The following LRRC8D variants were observed in gnomAD, a reference collection of about 807,000 sequenced individuals.
LRRC8D encodes leucine rich repeat containing 8 VRAC subunit D.
Under a neutral mutation model 55.8 loss-of-function variants are expected in LRRC8D, and 20 were observed. That is an observed-to-expected ratio of 0.36 (90% CI 0.25 to 0.52). The LOEUF (loss-of-function observed/expected upper bound fraction) is 0.52, where lower values mean the gene tolerates loss of function less well. LRRC8D is among the 20% of genes least tolerant of loss of function. LRRC8D has a pLI of 0.93. For synonymous variants in LRRC8D, 352 were observed against 377.0 expected (o/e 0.93, Z 0.77); for missense variants, 651 against 1,030.8 (o/e 0.63, Z 5.05).
At chr1:89,927,865 A>G (rs186392660) in intron 2 of LRRC8D, among the ~76,000 whole-genome samples, 1 of 152,174 alleles carries the variant, frequency 6.6e-6, no homozygotes, top group Non-Finnish European at 1.5e-5. Flanking sequence ...TATCAGATGT[A>G]AAGCCCCTAG....
Position 89,936,007 on chromosome 1 carries a change from T to G in LRRC8D, c.*362T>G, listed in dbSNP as rs188659077. The G allele has an allele frequency of 2.7e-3, 514 of 192,318 alleles. 3 individuals are homozygous for G. The highest frequency in any genetic ancestry group is 0.012 in the African/African-American group (487 of 41,990). The allele number at this position is 192,318 out of a possible 1,614,324, so 11.9% of individuals were successfully genotyped here. ...ATTGACATTTTCTTACTATATCACC[T>G]TTTTTGAGGGGTCTTAATTTACTTT... On this transcript the variant is annotated 3_prime_UTR_variant, in exon 3 of 3. Coordinates refer to ENST00000337338, the MANE Select transcript of LRRC8D (RefSeq NM_001134479.2).
chr1:89,865,264 G>A (rs992473063), intron 2 of LRRC8D, among the ~76,000 whole-genome samples: 15 of 150,818 alleles, frequency 9.9e-5, no homozygotes, highest in Non-Finnish European at 1.6e-4. Context: ...CCTTTAAAGG[G>A]AGTTTTCAAA....
At chr1:89,870,169 T>C (rs995015268) in intron 2 of LRRC8D, among the ~76,000 whole-genome samples, 12 of 151,772 alleles carry the variant, frequency 7.9e-5, no homozygotes, top group Non-Finnish European at 2.9e-5. Context: ...AGCTGCCTTT[T>C]AGTTTTTCTA....
At chr1:89,913,481 T>C (rs1221580366) in intron 2 of LRRC8D, among the ~76,000 whole-genome samples, 1 of 152,248 alleles carries the variant, frequency 6.6e-6, no homozygotes, top group Admixed American at 6.5e-5. Flanking sequence ...TTCTTTCTTT[T>C]TTCCTTCTAG....
At chr1:89,841,300 T>C (rs1370850372) in intron 1 of LRRC8D, among the ~76,000 whole-genome samples, 2 of 152,054 alleles carry the variant, frequency 1.3e-5, no homozygotes, top group Non-Finnish European at 2.9e-5. Context: ...AAGGCCATGG[T>C]CATCTGGGTG....
At chr1:89,852,817 A>G (rs1005820668) in intron 2 of LRRC8D, among the ~76,000 whole-genome samples, 3 of 152,154 alleles carry the variant, frequency 2.0e-5, no homozygotes, top group African/African-American at 7.2e-5. Context: ...GGGCTCAGTG[A>G]ATGTGGAACA....
At chr1:89,867,042 G>A (rs1427998108) in intron 2 of LRRC8D, among the ~76,000 whole-genome samples, 2 of 151,898 alleles carry the variant, frequency 1.3e-5, no homozygotes, top group African/African-American at 4.8e-5. Flanking sequence ...CATACAATTG[G>A]CCCACTTAGA....
intron 2 of LRRC8D, among the ~76,000 whole-genome samples, chr1:89,899,453 T>C (rs1199861565): frequency 6.6e-6 from 1 of 152,234 alleles, no homozygotes; most frequent in African/African-American, 2.4e-5. Context: ...CCAGAGACAG[T>C]TTTGTGACTT....
intron 2 of LRRC8D, among the ~76,000 whole-genome samples, chr1:89,860,785 A>ATATAT (rs59411711): frequency 1.1e-4 from 3 of 28,192 alleles, no homozygotes; most frequent in African/African-American, 2.0e-4. Context: ...AAAAAAAAAA[A>ATATAT]ATATATATAT....
At chr1:89,886,799 T>C (rs1010959502) in intron 2 of LRRC8D, among the ~76,000 whole-genome samples, 4 of 152,146 alleles carry the variant, frequency 2.6e-5, no homozygotes, top group African/African-American at 9.7e-5. Flanking sequence ...GCCATAAATA[T>C]TAACAGTGGT....
At chr1:89,879,946 A>G (rs1307821039) in intron 2 of LRRC8D, among the ~76,000 whole-genome samples, 1 of 152,186 alleles carries the variant, frequency 6.6e-6, no homozygotes, top group Non-Finnish European at 1.5e-5. Flanking sequence ...AGTAGAAGCC[A>G]TTTAATTCTT....
chr1:89,851,775 G>T (rs1661423920), intron 2 of LRRC8D, among the ~76,000 whole-genome samples: 1 of 152,116 alleles, frequency 6.6e-6, no homozygotes, highest in South Asian at 2.1e-4. Flanking sequence ...CTCCCAAAGT[G>T]CTAGGATTAC....
At chr1:89,868,404 T>C (rs1414431545) in intron 2 of LRRC8D, among the ~76,000 whole-genome samples, 1 of 152,234 alleles carries the variant, frequency 6.6e-6, no homozygotes, top group African/African-American at 2.4e-5. Flanking sequence ...CTTCAGATTA[T>C]GCAAATTTCT....
intron 2 of LRRC8D, among the ~76,000 whole-genome samples, chr1:89,898,973 T>C (rs1471567684): frequency 6.6e-6 from 1 of 152,208 alleles, no homozygotes; most frequent in Non-Finnish European, 1.5e-5. Context: ...TGTCGCTGGA[T>C]GTAAAGGAAA....
intron 1 of LRRC8D, among the ~76,000 whole-genome samples, chr1:89,836,601 G>A (rs1661010053): frequency 6.6e-6 from 1 of 152,198 alleles, no homozygotes; most frequent in South Asian, 2.1e-4. Flanking sequence ...ATAGTGTATG[G>A]AATAATACGA....
chr1:89,915,964 TTCACAAAAAAGTC>T (rs1477177528), intron 2 of LRRC8D, among the ~76,000 whole-genome samples: 1 of 152,128 alleles, frequency 6.6e-6, no homozygotes, highest in African/African-American at 2.4e-5. Context: ...TCACATGAAG[TTCACAAAAAAGTC>T]TCACAAAAAA....
chr1:89,843,675 A>G lies in LRRC8D; in HGVS notation c.-110A>G, dbSNP rs1570812550. 1.4e-6 allele frequency: 1 copy of G among 702,256 alleles called. No homozygotes were observed. Among genetic ancestry groups the G allele is most frequent in the South Asian group, 1.5e-5 (1 of 67,594 alleles). The allele number at this position is 702,256 out of a possible 1,614,324, so 43.5% of individuals were successfully genotyped here. A position where few individuals can be genotyped will look rare whatever the true frequency, so the allele number is the denominator to read the frequency against. On this transcript the variant is annotated 5_prime_UTR_variant, in exon 2 of 3. Coordinates refer to ENST00000337338, the MANE Select transcript of LRRC8D (RefSeq NM_001134479.2). ...TGTCTATAACGTGCTGCCGGGTCTC[A>G]GGATGGAGGAGTGAAGTCTCCTGTC... is the stretch of plus-strand genomic sequence containing the variant.
rs374528490 is a variant in LRRC8D at position 89,913,304 on chromosome 1, G to A, written c.-2-19763G>A. On this transcript the variant is annotated intron_variant, in intron 2 of 2. Transcript: ENST00000337338. ...AAACTGGGTGGTGATGGTGGCAGGT[G>A]TATGTTACTAAATAATGATTTTGGG... 3.9e-5 allele frequency among the ~76,000 whole-genome samples: 6 copies of A among 152,286 alleles called. No individual in the cohort carries two copies. In the South Asian group the frequency reaches 1.0e-3, roughly 26 times the overall value.
At chr1:89,928,290 C>CAA (rs1420779189) in intron 2 of LRRC8D, among the ~76,000 whole-genome samples, 1 of 152,094 alleles carries the variant, frequency 6.6e-6, no homozygotes, top group African/African-American at 2.4e-5. Flanking sequence ...AGGCTGGTCT[C>CAA]AAACTCCTGA....
Sources: allele counts gnomAD v4.1 joint callset (sites outside exome capture counted in the v4.1 genomes callset), GRCh38; gene constraint gnomAD v4.1.1; transcripts MANE v1.5; gene names NCBI Gene and HGNC (gene_info 2026-07-23, HGNC 2026-07-21).